The following GRIK4 variants were observed in gnomAD, a reference collection of about 807,000 sequenced individuals.
GRIK4 encodes glutamate receptor ionotropic, kainate 4.
Under a neutral mutation model 104.9 loss-of-function variants are expected in GRIK4, and 40 were observed. The ratio of observed to expected loss-of-function variants is 0.38; its 90% confidence interval spans 0.30 to 0.50. The LOEUF is 0.50. Among genes scored for constraint, GRIK4 ranks in the 20% least tolerant of loss-of-function variants. GRIK4 has a pLI of 0.93. For missense variants in GRIK4, 1,047 were observed against 1,308.1 expected (o/e 0.80, Z 3.08); for synonymous variants, 485 against 524.9 (o/e 0.92, Z 1.04).
At chr11:120,971,718 G>A in intron 19 of GRIK4, among the ~76,000 whole-genome samples, 1 of 152,222 alleles carries the variant, frequency 6.6e-6, no homozygotes, top group Admixed American at 6.5e-5. Context: ...CCCGGAAGAG[G>A]AAGTGATGAA....
At chr11:120,682,410 C>T (rs1565292541) in intron 3 of GRIK4, among the ~76,000 whole-genome samples, 1 of 152,106 alleles carries the variant, frequency 6.6e-6, no homozygotes, top group Non-Finnish European at 1.5e-5. Flanking sequence ...GCTTATTTGG[C>T]CTGTAGCATG....
chr11:120,551,392 A>T (rs1948138236), intron 1 of GRIK4, among the ~76,000 whole-genome samples: 1 of 152,162 alleles, frequency 6.6e-6, no homozygotes, highest in East Asian at 1.9e-4. Context: ...CCTCATACCC[A>T]GGAGGAAGGA....
intron 3 of GRIK4, among the ~76,000 whole-genome samples, chr11:120,779,164 G>C (rs955634189): frequency 3.3e-5 from 5 of 152,208 alleles, no homozygotes; most frequent in African/African-American, 9.7e-5. Flanking sequence ...AAGTCACATG[G>C]AGGTGTGAGT....
intron 3 of GRIK4, among the ~76,000 whole-genome samples, chr11:120,717,461 A>T (rs1448665080): frequency 3.3e-5 from 5 of 151,820 alleles, no homozygotes; most frequent in Non-Finnish European, 7.4e-5. Context: ...TTGGAGAAGG[A>T]TGGGCCCACT....
At chr11:120,931,897 CTG>C (rs1472250130) in intron 13 of GRIK4, among the ~76,000 whole-genome samples, 1 of 152,176 alleles carries the variant, frequency 6.6e-6, no homozygotes, top group Non-Finnish European at 1.5e-5. Flanking sequence ...GCTCCTGGCC[CTG>C]TGTGTTCTAG....
intron 1 of GRIK4, among the ~76,000 whole-genome samples, chr11:120,624,434 G>T (rs1438457315): frequency 6.6e-6 from 1 of 152,014 alleles, no homozygotes; most frequent in African/African-American, 2.4e-5. Context: ...TTCTTTGGTG[G>T]CTATCCCATC....
chr11:120,702,383 T>C (rs538657312), intron 3 of GRIK4, among the ~76,000 whole-genome samples: 82 of 152,318 alleles, frequency 5.4e-4, no homozygotes, highest in Middle Eastern at 6.8e-3. Context: ...GTGAGATGCC[T>C]GTTAGACAAC....
At chr11:120,872,797 A>C (rs1954648728) in intron 9 of GRIK4, 1 of 174,108 alleles carries the variant, frequency 5.7e-6, no homozygotes, top group Non-Finnish European at 1.2e-5. Flanking sequence ...CCCCGCATAC[A>C]TTAACATAGT....
intron 1 of GRIK4, among the ~76,000 whole-genome samples, chr11:120,614,034 C>G (rs934285711): frequency 2.0e-5 from 3 of 152,076 alleles, no homozygotes; most frequent in African/African-American, 7.2e-5. Flanking sequence ...GCCCTCTGTT[C>G]CCTCCCCTCT....
At chr11:120,760,343 T>C (rs1338118096) in intron 3 of GRIK4, among the ~76,000 whole-genome samples, 1 of 148,914 alleles carries the variant, frequency 6.7e-6, no homozygotes, top group Non-Finnish European at 1.5e-5. Context: ...TTGAATAATA[T>C]ATATATACAC....
chr11:120,809,296 C>G (rs1246200145), intron 4 of GRIK4, among the ~76,000 whole-genome samples: 1 of 152,212 alleles, frequency 6.6e-6, no homozygotes, highest in African/African-American at 2.4e-5. Flanking sequence ...ATTCCAGCAG[C>G]TGAGCCTTCC....
chr11:120,648,772 A>G lies in GRIK4; in HGVS notation c.-158-4913A>G, dbSNP rs575684864. ...GGTATTGAGAGAGTCAGGATTCTTT[A>G]TTGTGTTTGTAATTATTAACCAGAC... is the stretch of plus-strand genomic sequence containing the variant. On this transcript the variant is annotated intron_variant, in intron 1 of 20. Coordinates refer to ENST00000527524, the MANE Select transcript of GRIK4 (RefSeq NM_014619.5). 7.2e-5 allele frequency among the ~76,000 whole-genome samples: 11 copies of G among 152,104 alleles called. 1 individual carries two copies. In the South Asian group the frequency reaches 2.1e-3, roughly 29 times the overall value.
chr11:120,878,380 C>A (rs1160301792), intron 11 of GRIK4, among the ~76,000 whole-genome samples: 2 of 152,086 alleles, frequency 1.3e-5, no homozygotes, highest in African/African-American at 4.8e-5. Flanking sequence ...CACAGACTAC[C>A]CTTTGACAAA....
intron 3 of GRIK4, among the ~76,000 whole-genome samples, chr11:120,683,167 G>A (rs934858424): frequency 2.0e-5 from 3 of 152,122 alleles, no homozygotes; most frequent in African/African-American, 7.2e-5. Context: ...AGATGAATGA[G>A]TGTAAAGCTA....
At position 120,956,893 on chromosome 11, in the gene GRIK4, T is replaced by C. The variant is rs778108247; in HGVS notation, c.1814T>C (p.Met605Thr). The C allele has an allele frequency of 2.2e-5, 35 of 1,613,992 alleles. No homozygotes were observed. The highest frequency in any genetic ancestry group is 1.6e-4 in the Middle Eastern group (1 of 6,062). The change falls in exon 16 of 21, where the codon ATG (methionine) becomes ACG (threonine). Residue 605 changes from methionine (M) to threonine (T), a missense_variant. This residue lies in a region of GRIK4 where 440 missense variants were observed against 652.3 expected (regional missense o/e 0.67). Transcript: ENST00000527524. This position sits in a 1 kb window ranked among gnomAD's most constrained non-coding sequence, Gnocchi z 4.6. ...CTCTGGTTTCCGGTCGGGGGGTTCA[T>C]GCAGCAAGGCTCCACCATCGCCCCT... is the stretch of plus-strand genomic sequence containing the variant. Reference protein sequence around the residue: ...NSLWFPVGGFMQQGSTIAPRA... With the variant: ...NSLWFPVGGFTQQGSTIAPRA...
At chr11:120,917,552 G>A (rs928433940) in intron 13 of GRIK4, among the ~76,000 whole-genome samples, 4 of 152,196 alleles carry the variant, frequency 2.6e-5, no homozygotes, top group South Asian at 2.1e-4. Context: ...ACATCGGAGC[G>A]TCACCCGTGC....
intron 8 of GRIK4, among the ~76,000 whole-genome samples, chr11:120,848,534 G>T (rs908647746): frequency 1.3e-5 from 2 of 152,118 alleles, no homozygotes; most frequent in African/African-American, 4.8e-5. Flanking sequence ...GTGATCAGAA[G>T]AATCACCCCA....
At chr11:120,781,237 A>C (rs1340567343) in intron 3 of GRIK4, among the ~76,000 whole-genome samples, 1 of 151,910 alleles carries the variant, frequency 6.6e-6, no homozygotes, top group African/African-American at 2.4e-5. Flanking sequence ...TGAAAAGAAG[A>C]CACAGTATTA....
chr11:120,512,526 A>G (rs998323236), intron 1 of GRIK4, among the ~76,000 whole-genome samples: 1 of 151,978 alleles, frequency 6.6e-6, no homozygotes, highest in Non-Finnish European at 1.5e-5. Flanking sequence ...GCGTCCTATC[A>G]GAAATGATCC....
Sources: allele counts gnomAD v4.1 joint callset (sites outside exome capture counted in the v4.1 genomes callset), GRCh38; gene constraint gnomAD v4.1.1; regional missense constraint gnomAD v4.1.1; non-coding constraint Gnocchi (gnomAD v3.1); transcripts MANE v1.5; gene names NCBI Gene and HGNC (gene_info 2026-07-23, HGNC 2026-07-21).